THRB: variants seen among roughly 807,000 people sequenced by gnomAD.
THRB encodes thyroid hormone receptor beta, also known as nuclear receptor subfamily 1 group A member 2.
THRB carries 12 observed loss-of-function variants against 47.8 expected under a neutral mutation model. The ratio of observed to expected loss-of-function variants is 0.25; its 90% CI spans 0.16 to 0.41. The LOEUF (loss-of-function observed/expected upper bound fraction) is 0.41. THRB is among the 10% of genes least tolerant of loss of function. The pLI, the probability that THRB is intolerant of heterozygous loss-of-function variation, is 1.00. For synonymous variants in THRB, 218 were observed against 212.2 expected, an observed-to-expected ratio of 1.03 and a Z score of -0.24; for missense variants, 348 against 589.2, an observed-to-expected ratio of 0.59 and a Z score of 4.24.
rs1340098564 is a variant in THRB, at chr3:24,133,188, T to C, written c.885+128A>G. ...TGAAATAGAATGCATTTTCGTTTTG[T>C]ACTGACGTTGCTTTCATATGATTAA... On this transcript the variant is annotated intron_variant, in intron 9 of 10. Coordinates refer to ENST00000646209, the MANE Select transcript of THRB (RefSeq NM_001354712.2). 3.8e-6 allele frequency: 4 copies of C among 1,054,658 alleles called. No individual in the cohort carries two copies. The African/African-American group carries it at 4.8e-5, about 13-fold the overall frequency. 65.3% of individuals were successfully genotyped at this position (1,054,658 alleles called of 1,614,324 possible).
intron 5 of THRB, among the ~76,000 whole-genome samples, 158 bp from the exon 6 acceptor site, chr3:24,152,648 C>T (rs1012127442): frequency 3.9e-5 from 6 of 152,092 alleles, no homozygotes; most frequent in African/African-American, 1.4e-4. Flanking sequence ...ATTTTATACT[C>T]ATAGAGTTAA....
At chr3:24,205,877 A>G (rs1048847519) in intron 4 of THRB, among the ~76,000 whole-genome samples, 7 of 152,234 alleles carry the variant, frequency 4.6e-5, no homozygotes, top group Admixed American at 2.6e-4. Context: ...CAGACTTTAA[A>G]CCAACAAAGA....
At chr3:24,462,364 T>C (rs186783448) in intron 1 of THRB, among the ~76,000 whole-genome samples, 87 of 152,370 alleles carry the variant, frequency 5.7e-4, no homozygotes, top group African/African-American at 1.9e-3. Flanking sequence ...TCTTACATTC[T>C]AGAATTGCAT....
At chr3:24,387,491 C>A (rs955080278) in intron 1 of THRB, among the ~76,000 whole-genome samples, 5 of 152,084 alleles carry the variant, frequency 3.3e-5, no homozygotes, top group Admixed American at 3.3e-4. Context: ...CCTCCCAAAA[C>A]AACACTTCTG....
intron 2 of THRB, among the ~76,000 whole-genome samples, chr3:24,300,587 C>T (rs2149092684): frequency 6.6e-6 from 1 of 152,198 alleles, no homozygotes; most frequent in African/African-American, 2.4e-5. Context: ...ATGATATCTC[C>T]CTGTGTTTTT....
chr3:24,233,564 A>G (rs573999032), intron 3 of THRB, among the ~76,000 whole-genome samples: 300 of 68,340 alleles, frequency 4.4e-3, no homozygotes, highest in African/African-American at 0.015. Flanking sequence ...AAAAAGGAAG[A>G]AAGAAAGAAA....
At chr3:24,402,456 T>C (rs2067484716) in intron 1 of THRB, among the ~76,000 whole-genome samples, 1 of 151,116 alleles carries the variant, frequency 6.6e-6, no homozygotes, top group Admixed American at 6.6e-5. Context: ...TGACACTTAA[T>C]TTGGGATGAG....
intron 1 of THRB, among the ~76,000 whole-genome samples, chr3:24,490,577 A>G (rs1303064155): frequency 6.6e-6 from 1 of 152,194 alleles, no homozygotes; most frequent in Non-Finnish European, 1.5e-5. Context: ...GGGAACAGAA[A>G]TGGAAACAAA....
intron 2 of THRB, among the ~76,000 whole-genome samples, chr3:24,322,463 C>A (rs2058546813): frequency 6.6e-6 from 1 of 152,192 alleles, no homozygotes; most frequent in Non-Finnish European, 1.5e-5. Flanking sequence ...TTGGGCCAGG[C>A]CCACCTCCCA....
chr3:24,389,119 G>A (rs191720558), intron 1 of THRB, among the ~76,000 whole-genome samples: 4 of 152,230 alleles, frequency 2.6e-5, no homozygotes, highest in East Asian at 1.9e-4. Context: ...TCTCTCCTTC[G>A]CAGAAAGCAT....
At chr3:24,421,035 C>A (rs566501662) in intron 1 of THRB, among the ~76,000 whole-genome samples, 8 of 152,040 alleles carry the variant, frequency 5.3e-5, no homozygotes, top group Non-Finnish European at 1.0e-4. Context: ...AGAATGAGGT[C>A]ATATCTTTTG....
chr3:24,475,427 ATACT>A (rs1351425581), intron 1 of THRB, among the ~76,000 whole-genome samples: 7 of 152,148 alleles, frequency 4.6e-5, no homozygotes, highest in Middle Eastern at 3.2e-3. Flanking sequence ...CAAATTACAC[ATACT>A]TAATATATAT....
At chr3:24,301,255 C>G (rs2056921129) in intron 2 of THRB, among the ~76,000 whole-genome samples, 1 of 152,186 alleles carries the variant, frequency 6.6e-6, no homozygotes, top group Non-Finnish European at 1.5e-5. Flanking sequence ...AACCACCAAG[C>G]TCATGTAATT....
intron 6 of THRB, among the ~76,000 whole-genome samples, chr3:24,149,670 G>GT (rs145639333): frequency 0.036 from 5,414 of 151,496 alleles, 151 homozygotes; most frequent in South Asian, 0.082. Flanking sequence ...TCTTTTTTTT[G>GT]TTTTTTCTTG....
At chr3:24,452,377 A>G (rs1174075154) in intron 1 of THRB, among the ~76,000 whole-genome samples, 3 of 152,024 alleles carry the variant, frequency 2.0e-5, no homozygotes, top group Non-Finnish European at 4.4e-5. Context: ...CTGTCACCTC[A>G]TGGTTCCCAT....
chr3:24,211,024 C>G (rs182738778), intron 4 of THRB, among the ~76,000 whole-genome samples: 1 of 151,878 alleles, frequency 6.6e-6, no homozygotes, highest in Non-Finnish European at 1.5e-5. Context: ...TATAGTGAAA[C>G]CCTGTCTCTA....
chr3:24,462,971 C>CTATA (rs1327708589), intron 1 of THRB, among the ~76,000 whole-genome samples: 1 of 152,196 alleles, frequency 6.6e-6, no homozygotes, highest in Non-Finnish European at 1.5e-5. Flanking sequence ...AACCCCCCTC[C>CTATA]TGTCACTGCT....
chr3:24,164,367 C>T (rs914242852), intron 5 of THRB, among the ~76,000 whole-genome samples: 3 of 152,164 alleles, frequency 2.0e-5, no homozygotes, highest in African/African-American at 7.2e-5. Flanking sequence ...AGAGAATTCA[C>T]TTGATATGAT....
chr3:24,123,114 G>C lies in THRB; in HGVS notation c.1156C>G (p.Leu386Val), dbSNP rs1266439712. 3 of 1,614,174 alleles carry C rather than the reference G, an allele frequency of 1.9e-6. No homozygotes were observed. Among genetic ancestry groups the C allele is most frequent in the Non-Finnish European group, 1.7e-6 (2 of 1,180,024 alleles). ...VLLMSSDRPG[L>V]ACVERIEKYQ... The stretch of plus-strand genomic sequence containing the variant: ...TTTTCTATTCTCTCAACACAGGCAA[G>C]CCCCGGGCGATCTGCGGGGAAGAGA... Residue 386 changes from leucine (L) to valine (V), a missense_variant, in exon 11 of 11, where the codon CTT becomes GTT. By Grantham distance (32) the Leu-to-Val change is conservative. Transcript: ENST00000646209.
Sources: gnomAD v4.1 joint callset for allele counts (sites outside exome capture counted in the v4.1 genomes callset) on GRCh38, gnomAD v4.1.1 for gene constraint, MANE v1.5 for transcripts, NCBI Gene and HGNC (gene_info 2026-07-23, HGNC 2026-07-21) for gene names.